ERI1: variants seen among roughly 807,000 people sequenced by gnomAD.
The protein encoded by ERI1 is exoribonuclease 1, also known as 3'-5' exoribonuclease 1.
In ERI1, 39 loss-of-function variants were observed where a neutral mutation model predicts 39.7. The observed-to-expected ratio is 0.98, with a 90% CI of 0.76 to 1.28. The LOEUF is 1.28. Among genes scored for constraint, ERI1 ranks in the 50% most tolerant of loss-of-function variants. The pLI is 0.00. For synonymous variants in ERI1, 204 were observed against 149.6 expected (o/e 1.36, Z -2.65); for missense variants, 581 against 416.9 (o/e 1.39, Z -3.43).
At position 9,049,336 on chromosome 8, in the gene ERI1, C is replaced by CAAA. The variant is rs3989371; in HGVS notation, n.299+28899_299+28901dup. 1.6e-3 allele frequency among the ~76,000 whole-genome samples: 54 copies of CAAA among 33,234 alleles called. 2 individuals carry two copies. Among genetic ancestry groups the CAAA allele is most frequent in the African/African-American group, 4.9e-3 (45 of 9,130 alleles). The allele number at this position is 33,234 out of a possible 152,430, so 21.8% of individuals were successfully genotyped here. On this transcript the variant is annotated intron_variant and non_coding_transcript_variant, in intron 3 of 3. Coordinates refer to the ERI1 transcript ENST00000518663. ...GGGCGACAGAGTGAGACTCCGTCTC[C>CAAA]AAAAAAAAAAAAAAAAAAAAAAAAA... is the stretch of plus-strand genomic sequence containing the variant.
intron 3 of ERI1, among the ~76,000 whole-genome samples, chr8:9,066,936 C>A (rs1798898223): frequency 6.6e-6 from 1 of 152,078 alleles, no homozygotes; most frequent in Non-Finnish European, 1.5e-5. Flanking sequence ...GACAGTCGTT[C>A]CAGCTACCTT....
intron 3 of ERI1, chr8:9,072,557 G>T (rs1413627329): frequency 6.6e-6 from 1 of 152,034 alleles, no homozygotes; most frequent in Non-Finnish European, 1.5e-5. Flanking sequence ...AAACCTGAAG[G>T]ATCCTTCCGT....
rs758835506 is a variant in ERI1 at position 9,015,722 on chromosome 8, C to CAAAAAAAAAA, written c.499-590_499-581dup. ...GGGAGACAGAGCGAGACTCTGTCTC[C>CAAAAAAAAAA]AAAAAAAAAAAAAAAAAAAGAGACC... On this transcript the variant is annotated intron_variant, in intron 3 of 6. Transcript: ENST00000250263. 4.0e-3 allele frequency among the ~76,000 whole-genome samples: 228 copies of CAAAAAAAAAA among 56,420 alleles called. 10 individuals carry two copies. Among genetic ancestry groups the CAAAAAAAAAA allele is most frequent in the African/African-American group, 9.4e-3 (115 of 12,252 alleles). 37.0% of individuals were successfully genotyped at this position (56,420 alleles called of 152,430 possible).
rs1490623245 is a variant in ERI1, at chr8:9,032,303, CAATT to C, written c.*2270_*2273del. 1.3e-5 allele frequency: 2 copies of C among 152,106 alleles called. No homozygotes were observed. The highest frequency in any genetic ancestry group is 2.9e-5 in the Non-Finnish European group (2 of 68,014). 9.4% of individuals were successfully genotyped at this position (152,106 alleles called of 1,614,324 possible). A position where few individuals can be genotyped will look rare whatever the true frequency, so the allele number is the denominator to read the frequency against. On this transcript the variant is annotated 3_prime_UTR_variant, in exon 7 of 7. Coordinates refer to ENST00000250263, the MANE Select transcript of ERI1 (RefSeq NM_153332.4). ...TTAATAGTTACTTAGTATTTACAAA[CAATT>C]TATTATTAGCTGTGTTAACTTTTAT...
intron 3 of ERI1, among the ~76,000 whole-genome samples, chr8:9,097,157 T>C (rs1382914442): frequency 6.6e-6 from 1 of 152,138 alleles, no homozygotes; most frequent in Non-Finnish European, 1.5e-5. Flanking sequence ...TGCCTCCCCA[T>C]GAAGCCTTTT....
intron 3 of ERI1, among the ~76,000 whole-genome samples, chr8:9,047,170 T>G (rs1798200439): frequency 6.6e-6 from 1 of 152,136 alleles, no homozygotes; most frequent in African/African-American, 2.4e-5. Context: ...TTCACCTACT[T>G]AGGAAACACA....
intron 3 of ERI1, among the ~76,000 whole-genome samples, chr8:9,047,923 G>T (rs910306674): frequency 3.9e-5 from 6 of 152,232 alleles, no homozygotes; most frequent in Admixed American, 2.0e-4. Flanking sequence ...GCCTTGGCTT[G>T]ATCTCTTCAA....
At chr8:9,085,431 A>C (rs1004656798) in intron 3 of ERI1, among the ~76,000 whole-genome samples, 2 of 151,072 alleles carry the variant, frequency 1.3e-5, no homozygotes, top group Admixed American at 1.3e-4. Context: ...CTGGTCTTGA[A>C]CCCCTGACCT....
chr8:9,007,560 TCTGCCCAAACA>T (rs1816152779), intron 1 of ERI1, among the ~76,000 whole-genome samples: 2 of 152,182 alleles, frequency 1.3e-5, no homozygotes, highest in South Asian at 4.1e-4. Flanking sequence ...TTGTAATAAT[TCTGCCCAAACA>T]CTATTTACCA....
chr8:9,032,568 T>C lies in ERI1; in HGVS notation c.*2534T>C, dbSNP rs149840152. On this transcript the variant is annotated 3_prime_UTR_variant, in exon 7 of 7. Coordinates refer to ENST00000250263, the MANE Select transcript of ERI1 (RefSeq NM_153332.4). ...TCCTAGGGAGAAGTTTCTGCCTGGA[T>C]TGAAACAAAAAAACACAGGCGTCAC... 6.6e-6 allele frequency: 1 copy of C among 152,174 alleles called. No homozygotes were observed. Among genetic ancestry groups the C allele is most frequent in the African/African-American group, 2.4e-5 (1 of 41,444 alleles). 9.4% of individuals were successfully genotyped at this position (152,174 alleles called of 1,614,324 possible).
intron 3 of ERI1, among the ~76,000 whole-genome samples, chr8:9,079,991 C>CAAAAA (rs35227058): frequency 8.7e-6 from 1 of 114,838 alleles, no homozygotes; most frequent in Admixed American, 9.4e-5. Flanking sequence ...TTTTTAAAGA[C>CAAAAA]AAAAAAAAAA....
chr8:9,069,016 G>A (rs1798970818), intron 3 of ERI1, among the ~76,000 whole-genome samples: 1 of 152,062 alleles, frequency 6.6e-6, no homozygotes, highest in South Asian at 2.1e-4. Flanking sequence ...TGAGGGCCGC[G>A]CTGTGTGGCC....
rs899877065 is a variant in ERI1 at position 9,011,398 on chromosome 8, C to G, written c.288-144C>G. ...GTTCTTTGCTAACTTAGCTTTGAGT[C>G]TTGCTTTTCTTACATTTATTTTAGC... On this transcript the variant is annotated intron_variant, in intron 2 of 6. Transcript: ENST00000250263. 4 of 493,334 alleles carry G rather than the reference C, an allele frequency of 8.1e-6. No homozygotes were observed. The Admixed American group carries it at 1.4e-4, about 18-fold the overall frequency. The allele number at this position is 493,334 out of a possible 1,614,324, so 30.6% of individuals were successfully genotyped here. A position where few individuals can be genotyped will look rare whatever the true frequency, so the allele number is the denominator to read the frequency against.
intron 1 of ERI1, among the ~76,000 whole-genome samples, chr8:9,005,934 T>G (rs1024409332): frequency 2.0e-5 from 3 of 152,236 alleles, no homozygotes; most frequent in Non-Finnish European, 4.4e-5. Flanking sequence ...ATTGAATACG[T>G]GAATATTGCA....
chr8:9,070,385 G>A (rs534502073), intron 3 of ERI1, among the ~76,000 whole-genome samples: 306 of 152,320 alleles, frequency 2.0e-3, no homozygotes, highest in African/African-American at 7.0e-3. Context: ...CCCTTTGGGA[G>A]GCTGAGGCCA....
chr8:9,054,864 G>A (rs953628568), intron 3 of ERI1, among the ~76,000 whole-genome samples: 4 of 152,240 alleles, frequency 2.6e-5, no homozygotes, highest in Non-Finnish European at 4.4e-5. Context: ...GGGTGTCAAG[G>A]CTGCAGTGGG....
At chr8:9,006,391 T>C (rs1816024104) in intron 1 of ERI1, among the ~76,000 whole-genome samples, 1 of 152,216 alleles carries the variant, frequency 6.6e-6, no homozygotes, top group Non-Finnish European at 1.5e-5. Context: ...TTTTTCTAGC[T>C]ACAGTTTAGG....
chr8:9,005,663 C>T (rs556888450), intron 1 of ERI1, among the ~76,000 whole-genome samples: 1 of 151,614 alleles, frequency 6.6e-6, no homozygotes, highest in East Asian at 1.9e-4. Flanking sequence ...TACAGGCGCC[C>T]GCCCGGCTAA....
intron 3 of ERI1, among the ~76,000 whole-genome samples, chr8:9,015,501 C>G (rs986899324): frequency 1.1e-4 from 16 of 151,770 alleles, no homozygotes; most frequent in African/African-American, 3.6e-4. Flanking sequence ...TAAAATAAGA[C>G]CATCGTGTCA....
Sources: allele counts gnomAD v4.1 joint callset (sites outside exome capture counted in the v4.1 genomes callset), GRCh38; gene constraint gnomAD v4.1.1; transcripts MANE v1.5; gene names NCBI Gene and HGNC (gene_info 2026-07-23, HGNC 2026-07-21).